Variants in NRXN1 observed in about 807,000 individuals in gnomAD.
NRXN1 encodes the protein neurexin 1, also known as neurexin-1.
In NRXN1, 39 loss-of-function variants were observed where a neutral mutation model predicts 150.9. The observed-to-expected ratio is 0.26, with a 90% CI of 0.20 to 0.34. The LOEUF (loss-of-function observed/expected upper bound fraction) is 0.34. NRXN1 is among the 10% of genes least tolerant of loss of function. NRXN1 has a pLI of 1.00. For synonymous variants in NRXN1, 924 were observed against 757.0 expected, an observed-to-expected ratio of 1.22 and a Z score of -3.62; for missense variants, 1,815 against 1,949.9, an observed-to-expected ratio of 0.93 and a Z score of 1.30.
intron 18 of NRXN1, among the ~76,000 whole-genome samples, chr2:50,219,911 AAAATC>A (rs1280963687): frequency 8.1e-5 from 6 of 73,994 alleles, no homozygotes; most frequent in African/African-American, 1.3e-4. Flanking sequence ...ATATATATAT[AAAATC>A]TCTCTCTATA....
At chr2:50,370,923 G>A (rs2079973627) in intron 17 of NRXN1, among the ~76,000 whole-genome samples, 1 of 151,900 alleles carries the variant, frequency 6.6e-6, no homozygotes, top group Non-Finnish European at 1.5e-5. Context: ...CTGAAGACAG[G>A]TCACAAATGA....
intron 19 of NRXN1, among the ~76,000 whole-genome samples, chr2:50,089,439 T>C (rs760061167): frequency 5.3e-5 from 8 of 152,180 alleles, no homozygotes; most frequent in Non-Finnish European, 5.9e-5. Flanking sequence ...TTTAGGAAAA[T>C]TACCAATACA....
chr2:50,647,001 C>T (rs940777019), intron 5 of NRXN1, among the ~76,000 whole-genome samples: 3 of 151,184 alleles, frequency 2.0e-5, no homozygotes, highest in Admixed American at 6.6e-5. Context: ...AAAACTCAAG[C>T]ATTATATTGT....
intron 21 of NRXN1, among the ~76,000 whole-genome samples, chr2:49,995,159 A>T (rs1682721746): frequency 1.3e-5 from 2 of 152,216 alleles, no homozygotes; most frequent in African/African-American, 4.8e-5. Context: ...TCAAATCTGT[A>T]GAGTCAAGAC....
chr2:50,099,968 C>T (rs1700777988), intron 18 of NRXN1, among the ~76,000 whole-genome samples: 1 of 152,004 alleles, frequency 6.6e-6, no homozygotes, highest in Admixed American at 6.6e-5. Context: ...CTAGGGAAAT[C>T]CTAAATGTAA....
At chr2:49,926,336 G>C in intron 22 of NRXN1, 3 of 398,408 alleles carry the variant, frequency 7.5e-6, no homozygotes, top group Middle Eastern at 6.3e-4. Context: ...CTCTCTTCTA[G>C]CATTTGGTAA....
intron 18 of NRXN1, among the ~76,000 whole-genome samples, chr2:50,117,471 T>G (rs1703223632): frequency 6.6e-6 from 1 of 152,132 alleles, no homozygotes; most frequent in East Asian, 1.9e-4. Context: ...TATAAGCATT[T>G]GTGTGCAGCA....
intron 8 of NRXN1, among the ~76,000 whole-genome samples, chr2:50,587,748 T>A (rs1029126659): frequency 6.6e-6 from 1 of 152,044 alleles, no homozygotes; most frequent in Non-Finnish European, 1.5e-5. Context: ...AATGATAAGA[T>A]AGAGAATACA....
intron 4 of NRXN1, 46 bp downstream of exon 4, chr2:50,922,612 A>G (rs200559340): frequency 1.7e-5 from 28 of 1,600,252 alleles, no homozygotes; most frequent in Non-Finnish European, 2.4e-5. Flanking sequence ...CAGCTACAGA[A>G]CAAGAAAACA....
chr2:50,476,609 C>G (rs1240202016), intron 15 of NRXN1, among the ~76,000 whole-genome samples: 4 of 152,030 alleles, frequency 2.6e-5, no homozygotes, highest in Admixed American at 1.3e-4. Context: ...TCAATCTATG[C>G]TGATTCCACT....
At chr2:50,956,356 C>T (rs1213103966) in intron 2 of NRXN1, among the ~76,000 whole-genome samples, 1 of 152,056 alleles carries the variant, frequency 6.6e-6, no homozygotes, top group Non-Finnish European at 1.5e-5. Context: ...CACTGGGGGG[C>T]CTTGGAACAT....
chr2:50,950,785 CTT>C (rs1284687854), intron 2 of NRXN1, among the ~76,000 whole-genome samples: 1 of 152,272 alleles, frequency 6.6e-6, no homozygotes, highest in East Asian at 1.9e-4. Flanking sequence ...ATGCTAATAA[CTT>C]TTTACAAAGA....
chr2:50,355,411 T>G (rs2078725468), intron 17 of NRXN1, among the ~76,000 whole-genome samples: 1 of 151,988 alleles, frequency 6.6e-6, no homozygotes, highest in Non-Finnish European at 1.5e-5. Flanking sequence ...ATTAAAATTC[T>G]GTAGCATGTT....
chr2:50,928,347 A>G (rs1048820340), intron 2 of NRXN1, among the ~76,000 whole-genome samples: 10 of 151,964 alleles, frequency 6.6e-5, no homozygotes, highest in African/African-American at 2.4e-4. Flanking sequence ...TTCAGATTCA[A>G]TCTCAGAATA....
rs1678359861 is a variant in NRXN1, at chr2:50,612,570, A to G, written c.1320+7452T>C. Among the ~76,000 whole-genome samples the G allele has an allele frequency of 2.0e-5, 3 of 152,154 alleles. No individual in the cohort carries two copies. The South Asian group carries it at 6.2e-4, about 32-fold the overall frequency. ...TTTTATGAGAAATAAAAAATGCTTA[A>G]TATGTTATTATTATGCTTTCTCTGG... On this transcript the variant is annotated intron_variant, in intron 8 of 22. Coordinates refer to ENST00000401669, the MANE Select transcript of NRXN1 (RefSeq NM_001330078.2).
intron 5 of NRXN1, among the ~76,000 whole-genome samples, chr2:50,851,273 T>G (rs912828761): frequency 3.3e-5 from 5 of 152,010 alleles, no homozygotes; most frequent in Non-Finnish European, 7.4e-5. Flanking sequence ...ATAAGACTGG[T>G]TTCAAGGTAG....
chr2:50,346,917 C>T lies in NRXN1; in HGVS notation c.3365-109947G>A. Reference sequence around the variant, plus strand: ...CGCCGCCGCCCCCGGGCGAGCCCAGCTCGGCGCCGCACCGGAGCATCCTCT... The same window carrying T: ...CGCCGCCGCCCCCGGGCGAGCCCAGTTCGGCGCCGCACCGGAGCATCCTCT... On this transcript the variant is annotated intron_variant, in intron 17 of 22. Coordinates refer to ENST00000401669, the MANE Select transcript of NRXN1 (RefSeq NM_001330078.2). This position sits in a 1 kb window ranked among gnomAD's most constrained non-coding sequence, Gnocchi z 5.0. 1 of 1,299,564 alleles carries T rather than the reference C, an allele frequency of 7.7e-7. No homozygotes were observed. Among genetic ancestry groups the T allele is most frequent in the Non-Finnish European group, 9.8e-7 (1 of 1,023,366 alleles). 80.5% of individuals were successfully genotyped at this position (1,299,564 alleles called of 1,614,324 possible). A position where few individuals can be genotyped will look rare whatever the true frequency, so the allele number is the denominator to read the frequency against.
At position 50,334,211 on chromosome 2, in the gene NRXN1, ATG is replaced by A. The variant is rs1316239125; in HGVS notation, c.3365-97243_3365-97242del. ...GGACCAAATATATATATATATATATATGTATGTAGATATTGTTTAACGGGCCT... is the reference window on the plus strand; with the variant it reads ...GGACCAAATATATATATATATATATATATGTAGATATTGTTTAACGGGCCT... On this transcript the variant is annotated intron_variant, in intron 17 of 22. Transcript: ENST00000401669. 7.6e-5 allele frequency among the ~76,000 whole-genome samples: 11 copies of A among 145,046 alleles called. No homozygotes were observed. The East Asian group carries it at 2.0e-3, about 26-fold the overall frequency.
chr2:50,074,060 C>G (rs1314323202), intron 19 of NRXN1, among the ~76,000 whole-genome samples: 1 of 151,944 alleles, frequency 6.6e-6, no homozygotes, highest in Non-Finnish European at 1.5e-5. Flanking sequence ...ACCATAGATG[C>G]TTTATTTGGC....
Sources: gnomAD v4.1 joint callset for allele counts (sites outside exome capture counted in the v4.1 genomes callset) on GRCh38, gnomAD v4.1.1 for gene constraint, Gnocchi (gnomAD v3.1) non-coding constraint, MANE v1.5 for transcripts, NCBI Gene and HGNC (gene_info 2026-07-23, HGNC 2026-07-21) for gene names.